Variants in TMEM230 observed in about 807,000 individuals in gnomAD.
TMEM230 encodes transmembrane protein 230.
A neutral mutation model predicts 15.8 loss-of-function variants in TMEM230; 10 were observed. The ratio of observed to expected loss-of-function variants is 0.63; its 90% CI spans 0.39 to 1.07. The LOEUF is 1.07. TMEM230 is among the 50% of genes least tolerant of loss of function. TMEM230 has a pLI of 0.01. For synonymous variants in TMEM230, 67 were observed against 76.9 expected, an observed-to-expected ratio of 0.87 and a Z score of 0.68; for missense variants, 165 against 193.3, an observed-to-expected ratio of 0.85 and a Z score of 0.87.
chr20:5,101,075 TC>T, intron 4 of TMEM230, 144 bp from the exon 4 acceptor site: 1 of 1,027,308 alleles, frequency 9.7e-7, no homozygotes, highest in Non-Finnish European at 1.3e-6. Context: ...GGAAAAGGTT[TC>T]CTCCTGATTA....
At chr20:5,065,035 C>CT (rs200378480), downstream of TMEM230, among the ~76,000 whole-genome samples, 76 of 151,288 alleles carry the variant, frequency 5.0e-4, no homozygotes, top group East Asian at 1.9e-4. Flanking sequence ...AAAAAGATAT[C>CT]TTTTTTTTTC....
intron 1 of TMEM230, 150 bp downstream of exon 1, chr20:5,112,811 G>T: frequency 3.3e-6 from 5 of 1,511,212 alleles, no homozygotes; most frequent in Non-Finnish European, 4.4e-6. Context: ...CAAACAAAAC[G>T]GGCTTCTGGA....
intron 3 of TMEM230, among the ~76,000 whole-genome samples, chr20:5,084,551 T>C (rs1206666431): frequency 4.0e-5 from 6 of 151,326 alleles, no homozygotes; most frequent in African/African-American, 1.5e-4. Flanking sequence ...TTATTGTTTT[T>C]TGAGATGGAG....
chr20:5,067,994 G>A (rs886762446), downstream of TMEM230: 2 of 152,098 alleles, frequency 1.3e-5, no homozygotes, highest in Non-Finnish European at 2.9e-5. Flanking sequence ...TCAAATTCCT[G>A]GGCTCAAGCA....
At chr20:5,070,713 A>G (rs571193584) in intron 3 of TMEM230, among the ~76,000 whole-genome samples, 2 of 152,304 alleles carry the variant, frequency 1.3e-5, no homozygotes, top group South Asian at 4.2e-4. Context: ...ATATTTGCAT[A>G]AAAGAATTTT....
chr20:5,112,861 G>T, intron 1 of TMEM230, 100 bp downstream of exon 1: 2 of 1,546,784 alleles, frequency 1.3e-6, no homozygotes, highest in Non-Finnish European at 8.7e-7. Context: ...TGCCCCACAC[G>T]GATGACTCGG....
chr20:5,105,984 T>C (rs986079243), intron 4 of TMEM230, among the ~76,000 whole-genome samples: 1 of 151,974 alleles, frequency 6.6e-6, no homozygotes, highest in African/African-American at 2.4e-5. Context: ...GAGGATCGCT[T>C]GAGCCCAGGG....
intron 3 of TMEM230, among the ~76,000 whole-genome samples, chr20:5,083,285 ATTTTTTTTTTTT>A (rs71197748): frequency 8.3e-6 from 1 of 119,938 alleles, no homozygotes; most frequent in Non-Finnish European, 1.7e-5. Context: ...GGTTAGGGAG[ATTTTTTTTTTTT>A]TTTTTTTTTT....
downstream of TMEM230, among the ~76,000 whole-genome samples, chr20:5,064,732 A>G (rs1357902766): frequency 1.3e-5 from 2 of 152,268 alleles, no homozygotes; most frequent in Non-Finnish European, 2.9e-5. Flanking sequence ...AATAAATTTT[A>G]TCAAACCAAA....
chr20:5,067,410 CATATATATATATATATATATATAT>C (rs60791101), downstream of TMEM230: 48,524 of 102,392 alleles, frequency 0.47, 12,256 homozygotes, highest in East Asian at 0.76. Context: ...TGTTTAGGCT[CATATATATATATATATATATATAT>C]ATATATATAT....
intron 4 of TMEM230, among the ~76,000 whole-genome samples, chr20:5,103,415 G>C (rs2089948385): frequency 6.6e-6 from 1 of 151,894 alleles, no homozygotes; most frequent in Admixed American, 6.6e-5. Flanking sequence ...AGAGAGCTGT[G>C]ATCACACCAC....
intron 3 of TMEM230, among the ~76,000 whole-genome samples, chr20:5,080,430 T>C (rs1402337774): frequency 6.6e-6 from 1 of 152,358 alleles, no homozygotes; most frequent in Middle Eastern, 3.4e-3. Context: ...TACTGTCTTC[T>C]GTGACCCCAT....
intron 2 of TMEM230, chr20:5,111,490 T>C: frequency 5.1e-6 from 1 of 195,680 alleles, no homozygotes; most frequent in Non-Finnish European, 1.1e-5. Context: ...GTGCCTGTAG[T>C]CCCACCTACT....
At chr20:5,092,911 T>C (rs1401072044) in intron 3 of TMEM230, among the ~76,000 whole-genome samples, 2 of 152,176 alleles carry the variant, frequency 1.3e-5, no homozygotes, top group African/African-American at 4.8e-5. Context: ...GTGAACATAC[T>C]GAAAGCTCTT....
At chr20:5,087,847 C>T (rs1456896187) in intron 3 of TMEM230, among the ~76,000 whole-genome samples, 1 of 149,874 alleles carries the variant, frequency 6.7e-6, no homozygotes. Context: ...CGTGTACCAC[C>T]ACGCCTGGCT....
intron 3 of TMEM230, among the ~76,000 whole-genome samples, chr20:5,071,683 C>T (rs1465105629): frequency 2.6e-5 from 4 of 151,062 alleles, no homozygotes; most frequent in East Asian, 1.9e-4. Flanking sequence ...ACGTATATAG[C>T]AAGGTGAATA....
At chr20:5,099,247 T>C (rs373177465), downstream of TMEM230, among the ~76,000 whole-genome samples, 3,201 of 95,818 alleles carry the variant, frequency 0.033, 61 homozygotes, top group East Asian at 0.08. Context: ...AATCAATCAA[T>C]AATAAATAAA....
Position 5,100,944 on chromosome 20 carries a change from G to A in TMEM230, c.412-13C>T, listed in dbSNP as rs2089832636. The stretch of plus-strand genomic sequence containing the variant: ...CCCGGTCTGCCCCCTGGTGGCAGAA[G>A]GAGGCAAACACATTAGTACCGTAAG... On this transcript the variant is annotated splice_polypyrimidine_tract_variant and intron_variant, in intron 4 of 4. Coordinates refer to ENST00000342308, the MANE Select transcript of TMEM230 (RefSeq NM_001009923.2). 6.2e-7 allele frequency: 1 copy of A among 1,613,796 alleles called. No individual in the cohort carries two copies. The highest frequency in any genetic ancestry group is 1.3e-5 in the African/African-American group (1 of 74,920).
At chr20:5,098,814 A>C (rs59175854), downstream of TMEM230, among the ~76,000 whole-genome samples, 521 of 151,486 alleles carry the variant, frequency 3.4e-3, 5 homozygotes, top group African/African-American at 0.011. Flanking sequence ...GGGGGGGGGA[A>C]ATTATAGAAC....
Sources: gnomAD v4.1 joint callset for allele counts (sites outside exome capture counted in the v4.1 genomes callset) on GRCh38, gnomAD v4.1.1 for gene constraint, MANE v1.5 for transcripts, NCBI Gene and HGNC (gene_info 2026-07-23, HGNC 2026-07-21) for gene names.